The following SYNDIG1 variants were observed in gnomAD, a reference collection of about 807,000 sequenced individuals.
SYNDIG1 encodes synapse differentiation inducing 1, also known as synapse differentiation-inducing gene protein 1.
A neutral mutation model predicts 19.4 loss-of-function variants in SYNDIG1; 9 were observed. The ratio of observed to expected loss-of-function variants is 0.46; its 90% CI spans 0.28 to 0.81. SYNDIG1 has a LOEUF of 0.81. Among genes scored for constraint, SYNDIG1 ranks in the 30% least tolerant of loss-of-function variants. SYNDIG1 has a pLI of 0.12. For synonymous variants in SYNDIG1, 141 were observed against 145.9 expected (o/e 0.97, Z 0.24); for missense variants, 311 against 343.3 (o/e 0.91, Z 0.74).
At chr20:24,532,494 A>T (rs2057280031) in intron 1 of SYNDIG1, among the ~76,000 whole-genome samples, 2 of 152,216 alleles carry the variant, frequency 1.3e-5, no homozygotes, top group Admixed American at 1.3e-4. Context: ...GGTGACAGGA[A>T]TGTTCTGGAA....
At chr20:24,476,614 G>A (rs2055633958) in intron 1 of SYNDIG1, among the ~76,000 whole-genome samples, 1 of 151,526 alleles carries the variant, frequency 6.6e-6, no homozygotes, top group Non-Finnish European at 1.5e-5. Flanking sequence ...AGCTTGCAGT[G>A]AGCCGAGATC....
chr20:24,656,805 G>A (rs950154305), intron 3 of SYNDIG1, among the ~76,000 whole-genome samples: 4 of 152,226 alleles, frequency 2.6e-5, no homozygotes, highest in Non-Finnish European at 5.9e-5. Context: ...CTTCTCCCTG[G>A]CCAGGGCCAG....
chr20:24,546,633 T>C (rs1204672503), intron 2 of SYNDIG1, among the ~76,000 whole-genome samples: 2 of 152,202 alleles, frequency 1.3e-5, no homozygotes, highest in African/African-American at 2.4e-5. Flanking sequence ...GCCTGTGTCC[T>C]GCATGTTACT....
At position 24,658,926 on chromosome 20, in the gene SYNDIG1, C is replaced by G. The variant is rs951310230; in HGVS notation, c.619-6420C>G. Among the ~76,000 whole-genome samples the G allele has an allele frequency of 6.6e-6, 1 of 152,136 alleles. No individual in the cohort carries two copies. The highest frequency in any genetic ancestry group is 1.5e-5 in the Non-Finnish European group (1 of 68,024). On this transcript the variant is annotated intron_variant, in intron 3 of 3. Transcript: ENST00000376862. The surrounding 1 kb of genome is among the most constrained non-coding windows in gnomAD (Gnocchi z 4.4). ...AGCCATGCCCCAAGTGCCATGTAGACGCAGCAAGTGGCACAGCCGAGCAGC... is the reference window on the plus strand; with the variant it reads ...AGCCATGCCCCAAGTGCCATGTAGAGGCAGCAAGTGGCACAGCCGAGCAGC...
At chr20:24,530,419 G>A (rs531092918) in intron 1 of SYNDIG1, among the ~76,000 whole-genome samples, 1 of 152,202 alleles carries the variant, frequency 6.6e-6, no homozygotes, top group Admixed American at 6.5e-5. Context: ...CCATTTAAAT[G>A]CTAAATAGTA....
rs142723150 is a variant in SYNDIG1 at position 24,600,725 on chromosome 20, G to A, written c.618+15732G>A. 6.5e-3 allele frequency among the ~76,000 whole-genome samples: 984 copies of A among 150,348 alleles called. 8 individuals carry two copies. Among genetic ancestry groups the A allele is most frequent in the African/African-American group, 0.023 (948 of 40,840 alleles). ...CACCTCCCAGGTTCAAGCAATTCTCGTGTCTCAGCCTCCTGAGTAGCTGGG... is the reference window on the plus strand; with the variant it reads ...CACCTCCCAGGTTCAAGCAATTCTCATGTCTCAGCCTCCTGAGTAGCTGGG... On this transcript the variant is annotated intron_variant, in intron 3 of 3. Coordinates refer to ENST00000376862, the MANE Select transcript of SYNDIG1 (RefSeq NM_024893.3).
At chr20:24,478,929 G>C (rs1429383009) in intron 1 of SYNDIG1, among the ~76,000 whole-genome samples, 1 of 152,232 alleles carries the variant, frequency 6.6e-6, no homozygotes, top group Non-Finnish European at 1.5e-5. Context: ...CAGGTCGACT[G>C]TCAGACCTCG....
At chr20:24,554,344 T>G (rs1199622770) in intron 2 of SYNDIG1, among the ~76,000 whole-genome samples, 2 of 152,236 alleles carry the variant, frequency 1.3e-5, no homozygotes, top group Non-Finnish European at 1.5e-5. Flanking sequence ...AACACTATGT[T>G]GAATAGGAGT....
chr20:24,626,707 T>C (rs2059144294), intron 3 of SYNDIG1, among the ~76,000 whole-genome samples: 1 of 152,130 alleles, frequency 6.6e-6, no homozygotes, highest in African/African-American at 2.4e-5. Context: ...CTCGGCACTT[T>C]GGGGGGCCAA....
At chr20:24,626,732 A>T (rs2059145184) in intron 3 of SYNDIG1, among the ~76,000 whole-genome samples, 2 of 152,174 alleles carry the variant, frequency 1.3e-5, no homozygotes, top group Admixed American at 6.5e-5. Context: ...GGCGGCTGGG[A>T]GGTGGAGGTT....
At chr20:24,598,647 G>A (rs1377820337) in intron 3 of SYNDIG1, among the ~76,000 whole-genome samples, 1 of 152,242 alleles carries the variant, frequency 6.6e-6, no homozygotes, top group Non-Finnish European at 1.5e-5. Flanking sequence ...ACAGATTCTA[G>A]TCCAATCTCA....
intron 3 of SYNDIG1, among the ~76,000 whole-genome samples, chr20:24,617,352 G>A (rs1478381343): frequency 1.3e-5 from 2 of 152,088 alleles, no homozygotes; most frequent in East Asian, 1.9e-4. Context: ...TGTCACCTCC[G>A]CACCCAGCTG....
rs189679950 is a variant in SYNDIG1 at position 24,497,937 on chromosome 20, C to G, written c.-79+28184C>G. On this transcript the variant is annotated intron_variant, in intron 1 of 3. Coordinates refer to ENST00000376862, the MANE Select transcript of SYNDIG1 (RefSeq NM_024893.3). ...AAAGAGCTCTTTCAACCTGGATTGT[C>G]CAGACCCATGATCTTACACTGGAAT... Among the ~76,000 whole-genome samples the G allele has an allele frequency of 4.6e-5, 7 of 150,854 alleles. No individual in the cohort carries two copies. In the East Asian group the frequency reaches 1.4e-3, roughly 29 times the overall value.
chr20:24,494,364 C>T (rs77488792), intron 1 of SYNDIG1, among the ~76,000 whole-genome samples: 2 of 152,054 alleles, frequency 1.3e-5, no homozygotes, highest in Non-Finnish European at 2.9e-5. Flanking sequence ...CTGGCGGGTC[C>T]GAGGGTGACT....
intron 1 of SYNDIG1, among the ~76,000 whole-genome samples, chr20:24,486,751 C>G (rs907664029): frequency 6.6e-6 from 1 of 151,994 alleles, no homozygotes; most frequent in Non-Finnish European, 1.5e-5. Context: ...CTCCACCTCC[C>G]GGGTTCAAGC....
intron 3 of SYNDIG1, among the ~76,000 whole-genome samples, chr20:24,618,281 C>T (rs1297112561): frequency 1.5e-5 from 2 of 134,748 alleles, no homozygotes; most frequent in African/African-American, 5.7e-5. Flanking sequence ...GAAGGGGGGT[C>T]CTGAGGGACA....
At chr20:24,510,365 T>TC (rs2056712953) in intron 1 of SYNDIG1, among the ~76,000 whole-genome samples, 1 of 151,446 alleles carries the variant, frequency 6.6e-6, no homozygotes, top group African/African-American at 2.4e-5. Flanking sequence ...GGTCAGGAGT[T>TC]CAAGACCAGC....
intron 3 of SYNDIG1, among the ~76,000 whole-genome samples, chr20:24,651,171 T>A (rs967862267): frequency 6.6e-6 from 1 of 152,222 alleles, no homozygotes; most frequent in African/African-American, 2.4e-5. Context: ...TCACATGTGT[T>A]TACTCTTAAG....
chr20:24,617,506 G>A (rs2058956069), intron 3 of SYNDIG1, among the ~76,000 whole-genome samples: 1 of 152,182 alleles, frequency 6.6e-6, no homozygotes, highest in African/African-American at 2.4e-5. Context: ...TGAGCTTCTA[G>A]ACACTGCCCT....
Sources: gnomAD v4.1 joint callset for allele counts (sites outside exome capture counted in the v4.1 genomes callset) on GRCh38, gnomAD v4.1.1 for gene constraint, Gnocchi (gnomAD v3.1) non-coding constraint, MANE v1.5 for transcripts, NCBI Gene and HGNC (gene_info 2026-07-23, HGNC 2026-07-21) for gene names.